NTNG2: variants seen among roughly 807,000 people sequenced by gnomAD.
NTNG2 encodes the protein netrin-G2.
NTNG2 carries 15 observed loss-of-function variants against 47.6 expected under a neutral mutation model. That is an observed-to-expected ratio of 0.32 (90% CI 0.21 to 0.49). NTNG2 has a LOEUF of 0.49. Ranked by LOEUF, NTNG2 falls within the 20% of genes least tolerant of loss-of-function variation. The pLI is 0.99. For synonymous variants in NTNG2, 307 were observed against 324.6 expected, an observed-to-expected ratio of 0.95 and a Z score of 0.58; for missense variants, 578 against 764.6, an observed-to-expected ratio of 0.76 and a Z score of 2.88.
In NTNG2 at chr9:132,208,106, A is replaced by T. The variant is rs561047865; in HGVS notation, c.857+9497A>T. On this transcript the variant is annotated intron_variant, in intron 3 of 7. Coordinates refer to ENST00000393229, the MANE Select transcript of NTNG2 (RefSeq NM_032536.4). The surrounding 1 kb of genome is among the most constrained non-coding windows in gnomAD (Gnocchi z 4.0). ...GCAACAGAGCGAGACCCTATCTCAA[A>T]ACCCAGGGCAATATGGGAGTGGAGC... 1.1e-4 allele frequency among the ~76,000 whole-genome samples: 16 copies of T among 152,142 alleles called. No individual in the cohort carries two copies. In the South Asian group the frequency reaches 3.3e-3, roughly 32 times the overall value.
At chr9:132,213,432 G>A (rs980452955) in intron 3 of NTNG2, among the ~76,000 whole-genome samples, 3 of 151,362 alleles carry the variant, frequency 2.0e-5, no homozygotes, top group South Asian at 4.2e-4. Context: ...CATTGGCCAC[G>A]GCCACCCACC....
chr9:132,164,012 CT>C (rs1156519104), intron 1 of NTNG2, among the ~76,000 whole-genome samples: 3 of 152,144 alleles, frequency 2.0e-5, no homozygotes, highest in Non-Finnish European at 4.4e-5. Context: ...GAAAATTTCC[CT>C]GCCGACTCCT....
intron 5 of NTNG2, among the ~76,000 whole-genome samples, chr9:132,235,934 AG>A (rs1369495501): frequency 6.6e-6 from 1 of 152,162 alleles, no homozygotes; most frequent in Non-Finnish European, 1.5e-5. Context: ...CTGGTAGAGC[AG>A]GTCTACCAGC....
Position 132,192,703 on chromosome 9 carries a change from C to T in NTNG2, c.214-5263C>T, listed in dbSNP as rs889308465. Among the ~76,000 whole-genome samples the T allele has an allele frequency of 2.0e-5, 3 of 152,224 alleles. 1 individual carries two copies. Among genetic ancestry groups the T allele is most frequent in the Admixed American group, 2.0e-4 (3 of 15,288 alleles). ...CGCCAACAGTGCCTTTGCTGGGATG[C>T]TCCACACTCCTGACCAGCTCAGTGG... On this transcript the variant is annotated intron_variant, in intron 2 of 7. Transcript: ENST00000393229.
chr9:132,219,926 C>A (rs1840241859), intron 3 of NTNG2, among the ~76,000 whole-genome samples: 1 of 152,164 alleles, frequency 6.6e-6, no homozygotes, highest in Non-Finnish European at 1.5e-5. Context: ...GACCACTTTC[C>A]AAAGCAGCTG....
rs1399784896 is a variant in NTNG2, at chr9:132,236,418, GA to G, written c.1055-2683del. Reference sequence around the variant, plus strand: ...CAGGCCTGCCCGACTCTCCAGAAGGGAAATTGTCCCTGGCCCCAGCTCACCA... The same window carrying G: ...CAGGCCTGCCCGACTCTCCAGAAGGGAATTGTCCCTGGCCCCAGCTCACCA... On this transcript the variant is annotated intron_variant, in intron 5 of 7. Coordinates refer to ENST00000393229, the MANE Select transcript of NTNG2 (RefSeq NM_032536.4). The surrounding 1 kb of genome is among the most constrained non-coding windows in gnomAD (Gnocchi z 4.3). 6.6e-6 allele frequency among the ~76,000 whole-genome samples: 1 copy of G among 152,216 alleles called. No individual in the cohort carries two copies. The highest frequency in any genetic ancestry group is 1.5e-5 in the Non-Finnish European group (1 of 68,036).
At chr9:132,181,946 G>C (rs997372448) in intron 2 of NTNG2, among the ~76,000 whole-genome samples, 37 of 152,328 alleles carry the variant, frequency 2.4e-4, no homozygotes, top group African/African-American at 8.7e-4. Context: ...CTGATAGACG[G>C]AGGCGGCTGT....
At position 132,167,019 on chromosome 9, in the gene NTNG2, A is replaced by AC. The variant is rs1835542304; in HGVS notation, c.194dup (p.Glu66Ter). The AC allele has an allele frequency of 2.5e-6, 4 of 1,613,948 alleles. No individual in the cohort carries two copies. Among genetic ancestry groups the AC allele is most frequent in the Non-Finnish European group, 3.4e-6 (4 of 1,179,960 alleles). ...GAGCCCTCAGGCATCACATGTGGAGACCCCCCTGAGAGGTTCTGCTCCCAT... is the reference window on the plus strand; with the variant it reads ...GAGCCCTCAGGCATCACATGTGGAGACCCCCCCTGAGAGGTTCTGCTCCCAT... On this transcript the variant is annotated frameshift_variant, in exon 2 of 8. Coordinates refer to ENST00000393229, the MANE Select transcript of NTNG2 (RefSeq NM_032536.4). LOFTEE classifies it high-confidence loss of function.
rs533074586 is a variant in NTNG2 at position 132,235,139 on chromosome 9, A to G, written c.1055-3965A>G. ...TCAGGAAGGTAGAAGGGCAGTGATC[A>G]GGGAAGCAGGTCAGATGCTGGGGAA... On this transcript the variant is annotated intron_variant, in intron 5 of 7. Coordinates refer to ENST00000393229, the MANE Select transcript of NTNG2 (RefSeq NM_032536.4). 2.6e-5 allele frequency among the ~76,000 whole-genome samples: 4 copies of G among 152,324 alleles called. No individual in the cohort carries two copies. In the East Asian group the frequency reaches 5.8e-4, roughly 22 times the overall value.
intron 2 of NTNG2, among the ~76,000 whole-genome samples, chr9:132,186,258 C>T (rs1405998066): frequency 6.6e-6 from 1 of 152,134 alleles, no homozygotes; most frequent in Non-Finnish European, 1.5e-5. Flanking sequence ...TTCTGTCAGT[C>T]GCCTGTGGGG....
chr9:132,241,102 G>A (rs368306263), intron 7 of NTNG2, 58 bp downstream of exon 7: 28 of 1,502,092 alleles, frequency 1.9e-5, no homozygotes, highest in African/African-American at 1.8e-4. Context: ...GGGCAGGACC[G>A]AGGCAGTGGG....
chr9:132,193,520 G>A (rs1024958448), intron 2 of NTNG2, among the ~76,000 whole-genome samples: 1 of 152,176 alleles, frequency 6.6e-6, no homozygotes, highest in Non-Finnish European at 1.5e-5. Flanking sequence ...AGTGGCCTGG[G>A]AAATGGCACA....
rs779813862 is a variant in NTNG2 at position 132,198,555 on chromosome 9, G to A, written c.803G>A (p.Arg268Gln). The stretch of plus-strand genomic sequence containing the variant: ...GCGCTGGGCGGCACCTATGTGCAGC[G>A]GGAGAACCTCTACAAGTACTTCTAC... ...RPALGGTYVQ[R>Q]ENLYKYFYAI... The change falls in exon 3 of 8, where the codon CGG becomes CAG. Residue 268 changes from arginine to glutamine, a missense_variant. Transcript: ENST00000393229. 2.1e-5 allele frequency: 34 copies of A among 1,613,042 alleles called. No homozygotes were observed. Among genetic ancestry groups the A allele is most frequent in the Non-Finnish European group, 2.8e-5 (33 of 1,179,962 alleles).
chr9:132,206,687 A>G (rs1211056550), intron 3 of NTNG2, among the ~76,000 whole-genome samples: 1 of 152,318 alleles, frequency 6.6e-6, no homozygotes, highest in East Asian at 1.9e-4. Context: ...ATAAATAAAT[A>G]AAATAAACCC....
chr9:132,189,957 T>G (rs1402974360), intron 2 of NTNG2, among the ~76,000 whole-genome samples: 10 of 147,238 alleles, frequency 6.8e-5, no homozygotes, highest in African/African-American at 2.5e-4. Context: ...CCTAAAATAT[T>G]TTAAGAAGGT....
chr9:132,191,802 T>G (rs1406797841), intron 2 of NTNG2, among the ~76,000 whole-genome samples: 3 of 152,134 alleles, frequency 2.0e-5, no homozygotes, highest in Non-Finnish European at 2.9e-5. Flanking sequence ...TCGATCTCCT[T>G]ACCTCATATC....
intron 2 of NTNG2, among the ~76,000 whole-genome samples, chr9:132,188,434 C>T (rs1374367730): frequency 6.6e-6 from 1 of 152,230 alleles, no homozygotes; most frequent in South Asian, 2.1e-4. Flanking sequence ...CAATTTGTCT[C>T]AGGGCCCAGC....
At chr9:132,223,359 C>A (rs1022347263) in intron 3 of NTNG2, among the ~76,000 whole-genome samples, 2 of 151,986 alleles carry the variant, frequency 1.3e-5, no homozygotes, top group African/African-American at 4.8e-5. Flanking sequence ...GGGACAGAGG[C>A]GGGACAGAGC....
intron 2 of NTNG2, among the ~76,000 whole-genome samples, chr9:132,184,345 G>A (rs1006751012): frequency 6.6e-6 from 1 of 152,198 alleles, no homozygotes; most frequent in African/African-American, 2.4e-5. Flanking sequence ...GGCCGAGGAG[G>A]GGGAGTCACT....
Sources: gnomAD v4.1 joint callset for allele counts (sites outside exome capture counted in the v4.1 genomes callset) on GRCh38, gnomAD v4.1.1 for gene constraint, Gnocchi (gnomAD v3.1) non-coding constraint, MANE v1.5 for transcripts, NCBI Gene and HGNC (gene_info 2026-07-23, HGNC 2026-07-21) for gene names.